The following FBXO17 variants were observed in gnomAD, a reference collection of about 807,000 sequenced individuals.
The protein encoded by FBXO17 is F-box only protein 17.
A neutral mutation model predicts 34.1 loss-of-function variants in FBXO17; 43 were observed. The ratio of observed to expected loss-of-function variants is 1.26; its 90% CI spans 0.99 to 1.62. The LOEUF is 1.62. Among genes scored for constraint, FBXO17 ranks in the 40% most tolerant of loss-of-function variants. FBXO17 has a pLI of 0.00. For missense variants in FBXO17, 424 were observed against 386.7 expected (o/e 1.10, Z -0.81); for synonymous variants, 169 against 166.0 (o/e 1.02, Z -0.14).
chr19:38,942,513 C>A lies in FBXO17; in HGVS notation c.*95G>T, dbSNP rs545309482. On this transcript the variant is annotated 3_prime_UTR_variant, in exon 6 of 6. Coordinates refer to ENST00000292852, the MANE Select transcript of FBXO17 (RefSeq NM_024907.7). ...CCGAGCTCCAGTGATCCTCCCACCT[C>A]GGCCTCCTGAAGTGCTGGGATTCCA... The A allele has an allele frequency of 1.2e-5, 16 of 1,333,450 alleles. No individual in the cohort carries two copies. In the South Asian group the frequency reaches 2.5e-4, roughly 21 times the overall value. The allele number at this position is 1,333,450 out of a possible 1,614,324, so 82.6% of individuals were successfully genotyped here. A position where few individuals can be genotyped will look rare whatever the true frequency, so the allele number is the denominator to read the frequency against.
intron 1 of FBXO17, among the ~76,000 whole-genome samples, chr19:38,952,059 T>C (rs1310516230): frequency 6.6e-6 from 1 of 152,128 alleles, no homozygotes; most frequent in Non-Finnish European, 1.5e-5. Context: ...CAAGCGATTC[T>C]CCTGCCTCAG....
At chr19:38,957,414 T>G (rs955711562) in intron 1 of FBXO17, among the ~76,000 whole-genome samples, 1 of 151,042 alleles carries the variant, frequency 6.6e-6, no homozygotes, top group African/African-American at 2.4e-5. Context: ...TTGCATGATC[T>G]CGGCTCACTG....
chr19:38,953,250 T>G (rs574502463), intron 1 of FBXO17, among the ~76,000 whole-genome samples: 1 of 152,064 alleles, frequency 6.6e-6, no homozygotes, highest in Non-Finnish European at 1.5e-5. Context: ...GAGGCTGCAG[T>G]GAGCTATGAT....
Position 38,942,628 on chromosome 19 carries a change from C to A in FBXO17, c.817G>T (p.Val273Phe). 1 of 1,585,384 alleles carries A rather than the reference C, an allele frequency of 6.3e-7. No individual in the cohort carries two copies. Among genetic ancestry groups the A allele is most frequent in the South Asian group, 1.2e-5 (1 of 86,458 alleles). ...AGTCGCTAGGACAGACGGATCCTGA[C>A]CCTCACACTGGAGTGGGTCACAAGG... ...GALVTHSSVR[V>F]RIRLS Residue 273 changes from valine to phenylalanine, a missense_variant, in exon 6 of 6, where the codon GTC becomes TTC. Coordinates refer to ENST00000292852, the MANE Select transcript of FBXO17 (RefSeq NM_024907.7).
In FBXO17 at chr19:38,975,059, T is replaced by C. The variant is rs976140234; in HGVS notation, c.-18+527A>G. Among the ~76,000 whole-genome samples, 4 of 152,160 alleles carry C rather than the reference T, an allele frequency of 2.6e-5. No homozygotes were observed. Among genetic ancestry groups the C allele is most frequent in the Non-Finnish European group, 4.4e-5 (3 of 68,016 alleles). ...TATCACTGAACATTGCAAAAGTAACTTGGCAGAACAAAATTTAAATTGAGG... is the reference window on the plus strand; with the variant it reads ...TATCACTGAACATTGCAAAAGTAACCTGGCAGAACAAAATTTAAATTGAGG... On this transcript the variant is annotated intron_variant, in intron 1 of 5. Coordinates refer to ENST00000292852, the MANE Select transcript of FBXO17 (RefSeq NM_024907.7). This position sits in a 1 kb window ranked among gnomAD's most constrained non-coding sequence, Gnocchi z 4.9.
chr19:38,955,183 G>T (rs968335813), intron 1 of FBXO17, among the ~76,000 whole-genome samples: 1 of 151,408 alleles, frequency 6.6e-6, no homozygotes, highest in South Asian at 2.1e-4. Flanking sequence ...CGCCCGCCTT[G>T]GCCTCCCAAA....
chr19:38,961,754 C>T (rs1975253437), intron 1 of FBXO17, among the ~76,000 whole-genome samples: 1 of 152,012 alleles, frequency 6.6e-6, no homozygotes, highest in Non-Finnish European at 1.5e-5. Flanking sequence ...CTCCGCCTTC[C>T]GGGTTCAAGA....
Position 38,969,977 on chromosome 19 carries a change from CACAT to C in FBXO17, c.-18+5605_-18+5608del, listed in dbSNP as rs1454970301. Among the ~76,000 whole-genome samples the C allele has an allele frequency of 2.0e-5, 3 of 152,090 alleles. No homozygotes were observed. In the East Asian group the frequency reaches 5.8e-4, roughly 29 times the overall value. Reference sequence around the variant, plus strand: ...GCAACTCCACCCCAGAGCCAGAAAACACATACAAGAATATTCATGGTGGTGGTGT... The same window carrying C: ...GCAACTCCACCCCAGAGCCAGAAAACACAAGAATATTCATGGTGGTGGTGT... On this transcript the variant is annotated intron_variant, in intron 1 of 5. Coordinates refer to ENST00000292852, the MANE Select transcript of FBXO17 (RefSeq NM_024907.7).
chr19:38,961,313 T>C lies in FBXO17; in HGVS notation c.-17-10977A>G, dbSNP rs201556436. On this transcript the variant is annotated intron_variant, in intron 1 of 5. Transcript: ENST00000292852. The stretch of plus-strand genomic sequence containing the variant: ...TTTTTTGAGATGGCGTCTTACTCTG[T>C]CACCCAGGCTGGAGTGCAGTAGCAT... 9.3e-5 allele frequency among the ~76,000 whole-genome samples: 14 copies of C among 149,928 alleles called. No homozygotes were observed. The East Asian group carries it at 2.6e-3, about 27-fold the overall frequency.
chr19:38,972,113 T>C (rs1258459472), intron 1 of FBXO17, among the ~76,000 whole-genome samples: 1 of 152,226 alleles, frequency 6.6e-6, no homozygotes, highest in Non-Finnish European at 1.5e-5. Flanking sequence ...ATAGATCTAA[T>C]GGGCTTTTAT....
chr19:38,950,260 C>A lies in FBXO17; in HGVS notation c.60G>T (p.Ala20=). 3.3e-6 allele frequency: 5 copies of A among 1,505,216 alleles called. No homozygotes were observed. Among genetic ancestry groups the A allele is most frequent in the Non-Finnish European group, 3.5e-6 (4 of 1,134,724 alleles). The allele number at this position is 1,505,216 out of a possible 1,614,324, so 93.2% of individuals were successfully genotyped here. ...CCTGCACCAGCAGCTCCGGGGGCAG[C>A]GCGTCCAGGGCCAGGGATGGGTCCG... ...LPADPSLALD[A]LPPELLVQVL... Residue 20 remains alanine, a synonymous_variant, in exon 2 of 6, where the codon GCG becomes GCT. Coordinates refer to ENST00000292852, the MANE Select transcript of FBXO17 (RefSeq NM_024907.7).
intron 1 of FBXO17, among the ~76,000 whole-genome samples, chr19:38,961,148 C>T (rs1300593635): frequency 1.3e-5 from 2 of 151,996 alleles, no homozygotes; most frequent in Non-Finnish European, 2.9e-5. Flanking sequence ...TTGTATTGAA[C>T]GGGTTTTACT....
chr19:38,955,103 T>G (rs1975148428), intron 1 of FBXO17, among the ~76,000 whole-genome samples: 1 of 151,528 alleles, frequency 6.6e-6, no homozygotes, highest in African/African-American at 2.4e-5. Flanking sequence ...GCTAATTTTT[T>G]TGTATTTTTA....
chr19:38,962,125 A>G (rs1340124578), intron 1 of FBXO17, among the ~76,000 whole-genome samples: 5 of 151,568 alleles, frequency 3.3e-5, no homozygotes, highest in Non-Finnish European at 7.4e-5. Flanking sequence ...AAAAAAAAAA[A>G]AAAGCTCCGG....
chr19:38,945,077 G>A lies in FBXO17; in HGVS notation c.585C>T (p.Cys195=), dbSNP rs140100764. The part of the protein sequence containing the change: ...DWWGARENCG[C]VYQLRVRLLD... ...GAAGGCGGACCCGGAGCTGGTAGACGCAGCCGCAGTTCTCTCGAGCGCCCC... is the reference window on the plus strand; with the variant it reads ...GAAGGCGGACCCGGAGCTGGTAGACACAGCCGCAGTTCTCTCGAGCGCCCC... The change falls in exon 5 of 6, where the codon TGC becomes TGT. Residue 195 remains cysteine (C), a synonymous_variant. Transcript: ENST00000292852. 5 of 1,614,074 alleles carry A rather than the reference G, an allele frequency of 3.1e-6. No individual in the cohort carries two copies. The highest frequency in any genetic ancestry group is 2.7e-5 in the African/African-American group (2 of 74,936).
At chr19:38,953,945 TAAG>T (rs1975124019) in intron 1 of FBXO17, among the ~76,000 whole-genome samples, 1 of 148,450 alleles carries the variant, frequency 6.7e-6, no homozygotes, top group Non-Finnish European at 1.5e-5. Context: ...CTCTGCAAAA[TAAG>T]AAGCCAAGGG....
At chr19:38,974,018 GTATA>G (rs143909681) in intron 1 of FBXO17, among the ~76,000 whole-genome samples, 1 of 129,182 alleles carries the variant, frequency 7.7e-6, no homozygotes, top group South Asian at 2.9e-4. Flanking sequence ...ATATATATGT[GTATA>G]TATATATATA....
chr19:38,959,453 A>AT (rs112940577), intron 1 of FBXO17, among the ~76,000 whole-genome samples: 101 of 137,880 alleles, frequency 7.3e-4, no homozygotes, highest in East Asian at 2.2e-3. Flanking sequence ...TAATTTTTGT[A>AT]TTTTTTTTTT....
At chr19:38,967,266 T>C (rs1333255725) in intron 1 of FBXO17, among the ~76,000 whole-genome samples, 1 of 152,104 alleles carries the variant, frequency 6.6e-6, no homozygotes, top group Non-Finnish European at 1.5e-5. Context: ...AAGACCAGCC[T>C]GGCCAACATG....
Sources: allele counts gnomAD v4.1 joint callset (sites outside exome capture counted in the v4.1 genomes callset), GRCh38; gene constraint gnomAD v4.1.1; non-coding constraint Gnocchi (gnomAD v3.1); transcripts MANE v1.5; gene names NCBI Gene and HGNC (gene_info 2026-07-23, HGNC 2026-07-21).